FBXO42: variants seen among roughly 807,000 people sequenced by gnomAD.
The protein encoded by FBXO42 is F-box protein 42.
In FBXO42, 12 loss-of-function variants were observed where a neutral mutation model predicts 71.7. The ratio of observed to expected loss-of-function variants is 0.17; its 90% CI spans 0.11 to 0.27. The LOEUF (loss-of-function observed/expected upper bound fraction) is 0.27. FBXO42 is among the 10% of genes least tolerant of loss of function. The pLI, the probability that FBXO42 is intolerant of heterozygous loss-of-function variation, is 1.00. For missense variants in FBXO42, 707 were observed against 911.9 expected (o/e 0.78, Z 2.89); for synonymous variants, 325 against 327.5 (o/e 0.99, Z 0.08).
intron 3 of FBXO42, among the ~76,000 whole-genome samples, chr1:16,303,517 A>C (rs1267088606): frequency 1.3e-5 from 2 of 152,256 alleles, no homozygotes; most frequent in East Asian, 3.9e-4. Flanking sequence ...GGTGGTTATT[A>C]ATGGTCTTTA....
chr1:16,341,046 G>C (rs11260731), intron 1 of FBXO42, among the ~76,000 whole-genome samples: 50,095 of 152,052 alleles, frequency 0.33, 8,676 homozygotes, highest in African/African-American at 0.38. Context: ...CACTGTGTAG[G>C]TGTGGAAATG....
In FBXO42 at chr1:16,255,839, G is replaced by T. The variant is rs1374625749; in HGVS notation, c.657-18C>A. The T allele has an allele frequency of 6.3e-7, 1 of 1,594,372 alleles. No individual in the cohort carries two copies. The highest frequency in any genetic ancestry group is 8.6e-7 in the Non-Finnish European group (1 of 1,166,632). On this transcript the variant is annotated intron_variant, in intron 5 of 9. Transcript: ENST00000375592. ...AGTTCCACCTAATGTAAAAAGACAG[G>T]AGGAAGTCAAGAAGTCAGCACCACA...
intron 4 of FBXO42, among the ~76,000 whole-genome samples, chr1:16,287,729 T>G (rs1253443311): frequency 2.6e-5 from 4 of 152,226 alleles, no homozygotes; most frequent in Non-Finnish European, 1.5e-5. Context: ...GGATTACAGG[T>G]GTGAGCCACT....
At chr1:16,256,194 G>A (rs1022421621) in intron 5 of FBXO42, among the ~76,000 whole-genome samples, 32 of 152,122 alleles carry the variant, frequency 2.1e-4, no homozygotes, top group Non-Finnish European at 5.9e-5. Context: ...AAGAAACGGC[G>A]GTTGCTGTCA....
chr1:16,258,497 C>T, intron 4 of FBXO42, among the ~76,000 whole-genome samples: 1 of 151,524 alleles, frequency 6.6e-6, no homozygotes, highest in East Asian at 2.0e-4. Flanking sequence ...GCTAGGAATA[C>T]AGGCAAGCAC....
intron 4 of FBXO42, among the ~76,000 whole-genome samples, chr1:16,278,131 C>T (rs1447840564): frequency 1.3e-5 from 2 of 151,892 alleles, no homozygotes; most frequent in African/African-American, 2.4e-5. Flanking sequence ...CCGAGGCGGG[C>T]GGATCACCTG....
At chr1:16,322,216 G>A (rs2082414800) in intron 1 of FBXO42, among the ~76,000 whole-genome samples, 1 of 151,994 alleles carries the variant, frequency 6.6e-6, no homozygotes, top group Admixed American at 6.6e-5. Flanking sequence ...TATATATACT[G>A]GCCTGAGAGT....
chr1:16,311,240 G>C (rs1271728944), intron 2 of FBXO42, among the ~76,000 whole-genome samples: 7 of 149,330 alleles, frequency 4.7e-5, no homozygotes, highest in African/African-American at 1.7e-4. Flanking sequence ...ACTTTAGCAG[G>C]CCCAGGTGGT....
At chr1:16,312,084 C>T (rs1557597286) in intron 2 of FBXO42, among the ~76,000 whole-genome samples, 5 of 152,090 alleles carry the variant, frequency 3.3e-5, no homozygotes, top group Admixed American at 2.6e-4. Context: ...GGAAGCCGGG[C>T]ACGGTGGCTC....
At chr1:16,296,494 A>T (rs2082131460) in intron 3 of FBXO42, among the ~76,000 whole-genome samples, 1 of 151,830 alleles carries the variant, frequency 6.6e-6, no homozygotes, top group Non-Finnish European at 1.5e-5. Flanking sequence ...TACTAAAAAT[A>T]AAAAAATTAG....
At chr1:16,278,378 A>G (rs1396356756) in intron 4 of FBXO42, among the ~76,000 whole-genome samples, 1 of 152,060 alleles carries the variant, frequency 6.6e-6, no homozygotes, top group Non-Finnish European at 1.5e-5. Flanking sequence ...ACAAAAAACA[A>G]AACAAAAAAA....
At chr1:16,311,000 A>AAAT (rs1557596547) in intron 2 of FBXO42, among the ~76,000 whole-genome samples, 2 of 150,356 alleles carry the variant, frequency 1.3e-5, no homozygotes, top group Admixed American at 1.3e-4. Context: ...CAAACAAAAA[A>AAAT]ACTCAACATT....
chr1:16,268,662 C>T (rs1164657976), intron 4 of FBXO42, among the ~76,000 whole-genome samples: 1 of 152,076 alleles, frequency 6.6e-6, no homozygotes, highest in Non-Finnish European at 1.5e-5. Flanking sequence ...AAAAGCACAT[C>T]ACTTTAATAA....
intron 4 of FBXO42, among the ~76,000 whole-genome samples, chr1:16,285,043 G>A (rs2082007849): frequency 6.6e-6 from 1 of 151,702 alleles, no homozygotes; most frequent in Non-Finnish European, 1.5e-5. Flanking sequence ...CTACTCAGGA[G>A]GCTGAGGCAG....
In FBXO42 at chr1:16,252,439, G is replaced by A. The variant is rs1240140217; in HGVS notation, c.922-35C>T. The stretch of plus-strand genomic sequence containing the variant: ...AAAAAACCAATAACAAGACTCAGGT[G>A]TGATATGCGTTCCAAAACACACACA... On this transcript the variant is annotated intron_variant, in intron 8 of 9. Coordinates refer to ENST00000375592, the MANE Select transcript of FBXO42 (RefSeq NM_018994.3). The surrounding 1 kb of genome is among the most constrained non-coding windows in gnomAD (Gnocchi z 4.4). The A allele has an allele frequency of 2.6e-6, 4 of 1,517,676 alleles. No homozygotes were observed. The highest frequency in any genetic ancestry group is 3.7e-6 in the Non-Finnish European group (4 of 1,094,190). The allele number at this position is 1,517,676 out of a possible 1,614,324, so 94.0% of individuals were successfully genotyped here. A position where few individuals can be genotyped will look rare whatever the true frequency, so the allele number is the denominator to read the frequency against.
chr1:16,283,688 GA>G (rs2081990773), intron 4 of FBXO42, among the ~76,000 whole-genome samples: 1 of 151,878 alleles, frequency 6.6e-6, no homozygotes, highest in African/African-American at 2.4e-5. Context: ...GTAGACACGG[GA>G]TTTCACTATC....
intron 1 of FBXO42, among the ~76,000 whole-genome samples, chr1:16,332,843 G>A (rs187703241): frequency 2.0e-5 from 3 of 152,036 alleles, no homozygotes; most frequent in Admixed American, 6.6e-5. Flanking sequence ...GCCTGGCCTC[G>A]ACTAATGAAT....
chr1:16,328,270 G>A (rs982880929), intron 1 of FBXO42, among the ~76,000 whole-genome samples: 1 of 152,158 alleles, frequency 6.6e-6, no homozygotes, highest in African/African-American at 2.4e-5. Flanking sequence ...ACCTTGGGTG[G>A]AGGAAAAGGT....
chr1:16,306,621 C>T lies in FBXO42; in HGVS notation c.251-702G>A, dbSNP rs148166641. Reference sequence around the variant, plus strand: ...AACATAACAGGTGTTCAGTAAATATCTATAGTTGGAAACTATAATAAAGCA... The same window carrying T: ...AACATAACAGGTGTTCAGTAAATATTTATAGTTGGAAACTATAATAAAGCA... On this transcript the variant is annotated intron_variant, in intron 2 of 9. Transcript: ENST00000375592. Among the ~76,000 whole-genome samples the T allele has an allele frequency of 2.0e-5, 3 of 152,296 alleles. No homozygotes were observed. In the East Asian group the frequency reaches 5.8e-4, roughly 29 times the overall value.
Sources: allele counts gnomAD v4.1 joint callset (sites outside exome capture counted in the v4.1 genomes callset), GRCh38; gene constraint gnomAD v4.1.1; non-coding constraint Gnocchi (gnomAD v3.1); transcripts MANE v1.5; gene names NCBI Gene and HGNC (gene_info 2026-07-23, HGNC 2026-07-21).